Variants in MPP4 observed in about 807,000 individuals in gnomAD.
MPP4 encodes the protein MAGUK p55 scaffold protein 4.
A neutral mutation model predicts 98.3 loss-of-function variants in MPP4; 91 were observed. That is an observed-to-expected ratio of 0.93 (90% CI 0.78 to 1.10). The LOEUF is 1.10. Ranked by LOEUF, MPP4 falls within the 50% of genes least tolerant of loss-of-function variation. The pLI, the probability that MPP4 is intolerant of heterozygous loss-of-function variation, is 0.00. For missense variants in MPP4, 744 were observed against 792.9 expected, an observed-to-expected ratio of 0.94 and a Z score of 0.74; for synonymous variants, 261 against 271.8, an observed-to-expected ratio of 0.96 and a Z score of 0.39.
chr2:201,674,792 A>C (rs1688453352), intron 11 of MPP4, among the ~76,000 whole-genome samples: 1 of 152,146 alleles, frequency 6.6e-6, no homozygotes, highest in East Asian at 1.9e-4. Flanking sequence ...TTCCCCAATA[A>C]TTCCTGCAAA....
intron 4 of MPP4, 37 bp downstream of exon 4, chr2:201,690,165 C>G: frequency 7.0e-7 from 1 of 1,435,882 alleles, no homozygotes; most frequent in Non-Finnish European, 9.6e-7. Context: ...GGCACCACAT[C>G]AGAGCTCTAC....
At chr2:201,650,244 T>C (rs1179620520) in intron 18 of MPP4, 79 bp from the exon 19 acceptor site, 2 of 1,484,720 alleles carry the variant, frequency 1.3e-6, no homozygotes, top group Admixed American at 5.5e-5. Context: ...TAAAGATATC[T>C]AATCAAAATA....
At chr2:201,698,056 C>T (rs1193724270) in intron 1 of MPP4, 1 of 986,312 alleles carries the variant, frequency 1.0e-6, no homozygotes, top group Admixed American at 6.1e-5. Flanking sequence ...CAATTCCGGA[C>T]TGAGTACACA....
At chr2:201,671,044 C>T (rs1235845000) in intron 11 of MPP4, among the ~76,000 whole-genome samples, 1 of 152,218 alleles carries the variant, frequency 6.6e-6, no homozygotes, top group Non-Finnish European at 1.5e-5. Context: ...TTACCCTTTT[C>T]CCATGTTCTT....
Position 201,675,289 on chromosome 2 carries a change from C to A in MPP4, c.930-18G>T. 2.5e-6 allele frequency: 4 copies of A among 1,601,126 alleles called. No homozygotes were observed. The South Asian group carries it at 3.4e-5, about 14-fold the overall frequency. ...GTTGCTTCCTATGGGGGGGAAAAAA[C>A]CATGCGACAAAAAACAAACAAAAAC... On this transcript the variant is annotated intron_variant, in intron 10 of 21. Transcript: ENST00000409474.
chr2:201,658,788 A>AT (rs11443110), intron 15 of MPP4, among the ~76,000 whole-genome samples: 23,045 of 152,126 alleles, frequency 0.15, 1,978 homozygotes, highest in African/African-American at 0.2. Context: ...GAGTTTATTA[A>AT]TTTTTTAAGA....
intron 7 of MPP4, among the ~76,000 whole-genome samples, chr2:201,683,602 A>G (rs1320422553): frequency 3.3e-5 from 5 of 152,082 alleles, no homozygotes; most frequent in Non-Finnish European, 5.9e-5. Context: ...TACAAAAAAA[A>G]TTAGCTGGGG....
At chr2:201,677,323 C>G (rs1039750023) in intron 10 of MPP4, among the ~76,000 whole-genome samples, 1 of 152,216 alleles carries the variant, frequency 6.6e-6, no homozygotes, top group African/African-American at 2.4e-5. Flanking sequence ...AAAGTCACGT[C>G]TACTTGCCAA....
intron 18 of MPP4, among the ~76,000 whole-genome samples, chr2:201,654,576 A>T (rs917501108): frequency 2.6e-5 from 4 of 152,178 alleles, no homozygotes; most frequent in Admixed American, 6.6e-5. Flanking sequence ...CATATGTAAC[A>T]AACCTGCACG....
rs1182980335 is a variant in MPP4 at position 201,674,442 on chromosome 2, CA to C, written c.994+764del. Among the ~76,000 whole-genome samples, 11 of 152,272 alleles carry C rather than the reference CA, an allele frequency of 7.2e-5. No homozygotes were observed. The East Asian group carries it at 2.1e-3, about 29-fold the overall frequency. On this transcript the variant is annotated intron_variant, in intron 11 of 21. Transcript: ENST00000409474. ...TGGGGACATTTAGAGATCTCCTAGG[CA>C]GGAAGCCAGCCCTGGAGGGAGGAAG...
chr2:201,666,453 G>T, intron 12 of MPP4, 81 bp from the exon 13 acceptor site: 1 of 1,125,670 alleles, frequency 8.9e-7, no homozygotes, highest in Non-Finnish European at 1.3e-6. Flanking sequence ...AGGCATGGTG[G>T]CTCATGCCTG....
chr2:201,696,847 A>G (rs1420434267), intron 1 of MPP4, among the ~76,000 whole-genome samples: 16 of 152,244 alleles, frequency 1.1e-4, no homozygotes, highest in Non-Finnish European at 1.8e-4. Flanking sequence ...AGGCAAAAAC[A>G]ATAATTACAG....
intron 14 of MPP4, chr2:201,661,344 T>G (rs1688019381): frequency 1.3e-5 from 6 of 453,740 alleles, no homozygotes; most frequent in Middle Eastern, 3.3e-4. Flanking sequence ...CTGAAGAACC[T>G]TAACTGCTCA....
In MPP4 at chr2:201,658,960, G is replaced by A. The variant is rs557903304; in HGVS notation, c.1088-442C>T. 3.9e-5 allele frequency among the ~76,000 whole-genome samples: 6 copies of A among 152,118 alleles called. No homozygotes were observed. The East Asian group carries it at 5.8e-4, about 15-fold the overall frequency. The stretch of plus-strand genomic sequence containing the variant: ...TGCTCACTCTGGAGTGCAATGGCAC[G>A]ATCTCGGCCACTGCAACCTCCACCT... On this transcript the variant is annotated intron_variant, in intron 15 of 21. Coordinates refer to ENST00000409474, the MANE Select transcript of MPP4 (RefSeq NM_033066.3).
chr2:201,669,554 ATCAATGACTATC>A lies in MPP4; in HGVS notation c.1012+167_1012+178del, dbSNP rs1339494561. Among the ~76,000 whole-genome samples the A allele has an allele frequency of 9.7e-4, 6 of 6,172 alleles. No homozygotes were observed. In the East Asian group the frequency reaches 0.5, roughly 514 times the overall value. The allele number at this position is 6,172 out of a possible 152,430, so 4.0% of individuals were successfully genotyped here. On this transcript the variant is annotated intron_variant, in intron 12 of 21. Transcript: ENST00000409474. ...ATCTTTGAATGACATATTTTTATAA[ATCAATGACTATC>A]ACACTACTAGGTATATAGGAAGAGC...
At chr2:201,655,920 CA>C (rs560346238) in intron 17 of MPP4, among the ~76,000 whole-genome samples, 40 of 146,836 alleles carry the variant, frequency 2.7e-4, no homozygotes, top group Non-Finnish European at 4.2e-4. Flanking sequence ...TCTAAGCAGG[CA>C]AAAAAAAAAT....
chr2:201,685,354 G>A (rs995387300), intron 6 of MPP4, among the ~76,000 whole-genome samples: 1 of 151,982 alleles, frequency 6.6e-6, no homozygotes, highest in Non-Finnish European at 1.5e-5. Context: ...AACCAGGGAC[G>A]GAGGGGCCAC....
chr2:201,649,532 C>T (rs775891823), intron 20 of MPP4, 44 bp downstream of exon 20: 112 of 1,366,304 alleles, frequency 8.2e-5, no homozygotes, highest in South Asian at 2.4e-4. Context: ...ATGGATGATA[C>T]GCATTCATTG....
intron 18 of MPP4, chr2:201,651,842 T>C (rs1687721766): frequency 9.4e-6 from 3 of 318,050 alleles, no homozygotes; most frequent in South Asian, 2.4e-4. Context: ...TAATCCCAAC[T>C]ACTCAGGAGG....
Sources: allele counts gnomAD v4.1 joint callset (sites outside exome capture counted in the v4.1 genomes callset), GRCh38; gene constraint gnomAD v4.1.1; transcripts MANE v1.5; gene names NCBI Gene and HGNC (gene_info 2026-07-23, HGNC 2026-07-21).